Variants in MRTFB observed in about 807,000 individuals in gnomAD.
MRTFB encodes myocardin related transcription factor B.
Under a neutral mutation model 104.2 loss-of-function variants are expected in MRTFB, and 29 were observed. The ratio of observed to expected loss-of-function variants is 0.28; its 90% CI spans 0.21 to 0.38. The LOEUF (loss-of-function observed/expected upper bound fraction) is 0.38. Among genes scored for constraint, MRTFB ranks in the 10% least tolerant of loss-of-function variants. The pLI, the probability that MRTFB is intolerant of heterozygous loss-of-function variation, is 1.00. For missense variants in MRTFB, 1,270 were observed against 1,341.6 expected, an observed-to-expected ratio of 0.95 and a Z score of 0.83; for synonymous variants, 535 against 519.5, an observed-to-expected ratio of 1.03 and a Z score of -0.41.
chr16:14,242,606 A>G (rs1450862583), intron 10 of MRTFB, among the ~76,000 whole-genome samples: 1 of 152,168 alleles, frequency 6.6e-6, no homozygotes, highest in Non-Finnish European at 1.5e-5. Flanking sequence ...ACAAAGGAGC[A>G]AGCGCCCAAA....
chr16:14,169,539 AAT>A lies in MRTFB; in HGVS notation c.154+28784_154+28785del. ...TCATTTGTCAAATACATGTTTTACA[AAT>A]ATATTCTCCTGGTCTGTGGCTTCCG... On this transcript the variant is annotated intron_variant, in intron 3 of 16. Coordinates refer to ENST00000571589, the MANE Select transcript of MRTFB (RefSeq NM_001308142.2). Among the ~76,000 whole-genome samples the A allele has an allele frequency of 1.3e-5, 2 of 152,286 alleles. 1 individual carries two copies. The highest frequency in any genetic ancestry group is 4.1e-4 in the South Asian group (2 of 4,824).
chr16:14,189,982 T>A (rs2040105088), intron 3 of MRTFB, among the ~76,000 whole-genome samples: 1 of 152,166 alleles, frequency 6.6e-6, no homozygotes, highest in African/African-American at 2.4e-5. Context: ...ACAAGAAAAT[T>A]TAGCAATACC....
the MRTFB span, among the ~76,000 whole-genome samples, chr16:14,014,319 G>A: frequency 6.6e-6 from 1 of 152,112 alleles, no homozygotes. Flanking sequence ...GGCTGGGATG[G>A]GAGGATCACT....
At chr16:14,019,336 C>T in the MRTFB span, 1 of 152,178 alleles carries the variant, frequency 6.6e-6, no homozygotes, top group African/African-American at 2.4e-5. Flanking sequence ...TACTACTTAG[C>T]TGGTGCTGTA....
intron 8 of MRTFB, among the ~76,000 whole-genome samples, chr16:14,225,363 CAT>C (rs1301795932): frequency 1.3e-5 from 2 of 152,038 alleles, no homozygotes; most frequent in African/African-American, 2.4e-5. Context: ...ATGTCAGTAA[CAT>C]AGAGGGGGTG....
At chr16:14,210,705 A>T (rs2041156492) in intron 4 of MRTFB, among the ~76,000 whole-genome samples, 1 of 152,210 alleles carries the variant, frequency 6.6e-6, no homozygotes, top group South Asian at 2.1e-4. Context: ...ATTTAGTTCC[A>T]GTTAATTATA....
chr16:14,151,177 A>C (rs2034034136), intron 3 of MRTFB: 1 of 152,172 alleles, frequency 6.6e-6, no homozygotes, highest in Admixed American at 6.5e-5. Flanking sequence ...TCATCTATAA[A>C]TGGTGCCACG....
At chr16:14,221,875 G>A (rs556288244) in intron 8 of MRTFB, among the ~76,000 whole-genome samples, 6 of 149,766 alleles carry the variant, frequency 4.0e-5, no homozygotes, top group South Asian at 2.1e-4. Flanking sequence ...TCTGCCTCCC[G>A]GGTTCAAGCG....
rs76170471 is a variant in MRTFB at position 14,138,094 on chromosome 16, C to T, written c.-63-2450C>T. Among the ~76,000 whole-genome samples the T allele has an allele frequency of 9.7e-3, 1,476 of 152,134 alleles. 26 individuals carry two copies. The highest frequency in any genetic ancestry group is 0.034 in the African/African-American group (1,405 of 41,514). On this transcript the variant is annotated intron_variant, in intron 2 of 16. Coordinates refer to ENST00000571589, the MANE Select transcript of MRTFB (RefSeq NM_001308142.2). ...CTCAGTCTACTTAAAGTTAAAATTA[C>T]ACTGTTTTCTTATGATGTATGGGAA... is the stretch of plus-strand genomic sequence containing the variant.
chr16:14,226,016 C>T (rs1027917208), intron 8 of MRTFB, among the ~76,000 whole-genome samples: 4 of 152,148 alleles, frequency 2.6e-5, no homozygotes, highest in Non-Finnish European at 2.9e-5. Flanking sequence ...ATCAGACACT[C>T]TTGGCCATGC....
chr16:14,248,031 C>T (rs1010561792), intron 12 of MRTFB: 4 of 153,244 alleles, frequency 2.6e-5, no homozygotes, highest in Admixed American at 1.3e-4. Context: ...TATATTCTGC[C>T]TCCCACATTT....
At chr16:14,204,886 G>A (rs940051555) in intron 3 of MRTFB, among the ~76,000 whole-genome samples, 1 of 152,060 alleles carries the variant, frequency 6.6e-6, no homozygotes, top group Non-Finnish European at 1.5e-5. Context: ...CAAATTAAGG[G>A]AATAACTGAA....
intron 2 of MRTFB, among the ~76,000 whole-genome samples, chr16:14,085,789 AT>A (rs2034671592): frequency 6.6e-6 from 1 of 152,230 alleles, no homozygotes; most frequent in Admixed American, 6.5e-5. Flanking sequence ...TGTGATTTTT[AT>A]ACGTACCTAA....
In MRTFB at chr16:14,140,765, G is replaced by C; in HGVS notation, c.154+5G>C. 1 of 1,614,052 alleles carries C rather than the reference G, an allele frequency of 6.2e-7. No homozygotes were observed. Among genetic ancestry groups the C allele is most frequent in the Non-Finnish European group, 8.5e-7 (1 of 1,179,974 alleles). On this transcript the variant is annotated splice_donor_5th_base_variant and intron_variant, in intron 3 of 16. Transcript: ENST00000571589. ...CTCTGAACGAAAGGAAAAATGGTGA[G>C]TTCAGCATGTGCAATGGGATCTTTG...
In MRTFB at chr16:14,248,986, A is replaced by G. The variant is rs149518176; in HGVS notation, c.2308A>G (p.Thr770Ala). 6.3e-5 allele frequency: 101 copies of G among 1,614,008 alleles called. No homozygotes were observed. The highest frequency in any genetic ancestry group is 7.5e-5 in the Non-Finnish European group (88 of 1,180,024). ...PQIATAAQIP[T>A]AALASGLAPT... ...GATAGCAACTGCTGCACAAATACCA[A>G]CTGCTGCCTTGGCCTCAGGCTTGGC... Residue 770 changes from threonine to alanine, a missense_variant, in exon 13 of 17, where the codon ACT becomes GCT. By Grantham distance (58) the Thr-to-Ala change is moderately conservative. This residue lies in a region of MRTFB where 1,144 missense variants were observed against 1,131.5 expected (regional missense o/e 1.01). Coordinates refer to ENST00000571589, the MANE Select transcript of MRTFB (RefSeq NM_001308142.2).
chr16:14,036,296 T>TTTTATATATATATA, the MRTFB span, among the ~76,000 whole-genome samples: 1 of 98,354 alleles, frequency 1.0e-5, no homozygotes, highest in African/African-American at 3.6e-5. Flanking sequence ...TTATATATAT[T>TTTTATATATATATA]TATATATATA....
intron 3 of MRTFB, among the ~76,000 whole-genome samples, chr16:14,163,831 C>T (rs2039131255): frequency 1.5e-5 from 2 of 129,874 alleles, no homozygotes; most frequent in African/African-American, 3.8e-5. Flanking sequence ...GAAACTCTGT[C>T]TCAAAAAAAA....
chr16:14,253,861 A>G (rs2043359710), intron 15 of MRTFB, among the ~76,000 whole-genome samples: 1 of 152,248 alleles, frequency 6.6e-6, no homozygotes, highest in Non-Finnish European at 1.5e-5. Context: ...AGACGGGTTC[A>G]AATATTTGCA....
the MRTFB span, among the ~76,000 whole-genome samples, chr16:14,056,139 C>G: frequency 6.6e-6 from 1 of 152,038 alleles, no homozygotes. Flanking sequence ...CCACCATGCC[C>G]TGGTAATTTT....
Sources: allele counts gnomAD v4.1 joint callset (sites outside exome capture counted in the v4.1 genomes callset), GRCh38; gene constraint gnomAD v4.1.1; regional missense constraint gnomAD v4.1.1; transcripts MANE v1.5; gene names NCBI Gene and HGNC (gene_info 2026-07-23, HGNC 2026-07-21).